BABAM2: variants seen among roughly 807,000 people sequenced by gnomAD.
BABAM2 encodes the protein BRISC and BRCA1 A complex member 2.
Under a neutral mutation model 54.7 loss-of-function variants are expected in BABAM2, and 31 were observed. The observed-to-expected ratio is 0.57, with a 90% CI of 0.43 to 0.77. The LOEUF is 0.77. BABAM2 is among the 30% of genes least tolerant of loss of function. The pLI, the probability that BABAM2 is intolerant of heterozygous loss-of-function variation, is 0.00. For synonymous variants in BABAM2, 167 were observed against 162.9 expected, an observed-to-expected ratio of 1.03 and a Z score of -0.19; for missense variants, 364 against 455.8, an observed-to-expected ratio of 0.80 and a Z score of 1.83.
At chr2:28,110,061 C>T (rs902867943) in intron 6 of BABAM2, among the ~76,000 whole-genome samples, 29 of 152,186 alleles carry the variant, frequency 1.9e-4, no homozygotes, top group Non-Finnish European at 1.9e-4. Flanking sequence ...CACCATTCCA[C>T]TTTCTGTCAC....
At chr2:27,948,990 G>A (rs1455863356) in intron 3 of BABAM2, among the ~76,000 whole-genome samples, 1 of 152,178 alleles carries the variant, frequency 6.6e-6, no homozygotes, top group Non-Finnish European at 1.5e-5. Flanking sequence ...GTCAGCCACA[G>A]TGTTGTCCTG....
intron 7 of BABAM2, among the ~76,000 whole-genome samples, chr2:28,207,708 A>G (rs1189114886): frequency 6.6e-6 from 1 of 152,238 alleles, no homozygotes; most frequent in East Asian, 1.9e-4. Context: ...AGAGAATATG[A>G]TTAAAATAAA....
intron 7 of BABAM2, among the ~76,000 whole-genome samples, chr2:28,167,116 TG>T (rs1673761067): frequency 6.6e-6 from 1 of 152,230 alleles, no homozygotes; most frequent in Admixed American, 6.5e-5. Flanking sequence ...GACAGTTTTC[TG>T]CAGCTAATAG....
chr2:27,949,147 G>C (rs2148402497), intron 3 of BABAM2, among the ~76,000 whole-genome samples: 1 of 152,308 alleles, frequency 6.6e-6, no homozygotes, highest in South Asian at 2.1e-4. Context: ...GAATAAGAAG[G>C]AAGGCGAGTA....
chr2:28,040,705 A>G (rs1017233873), intron 5 of BABAM2, among the ~76,000 whole-genome samples: 7 of 152,202 alleles, frequency 4.6e-5, no homozygotes, highest in Non-Finnish European at 1.0e-4. Context: ...AATGTATGAT[A>G]GGCTTGAAAG....
intron 10 of BABAM2, among the ~76,000 whole-genome samples, chr2:28,287,848 C>T (rs1234976389): frequency 3.3e-5 from 5 of 152,304 alleles, no homozygotes; most frequent in Admixed American, 2.0e-4. Context: ...AGAGTTCACA[C>T]CCGGCCCCTC....
chr2:28,048,882 T>TA (rs1381055138), intron 6 of BABAM2, among the ~76,000 whole-genome samples: 1 of 152,220 alleles, frequency 6.6e-6, no homozygotes. Flanking sequence ...TTAATTTTCT[T>TA]AGAGTGTGGT....
chr2:28,050,835 A>G (rs922316529), intron 6 of BABAM2, among the ~76,000 whole-genome samples: 10 of 152,188 alleles, frequency 6.6e-5, no homozygotes, highest in African/African-American at 2.4e-4. Flanking sequence ...GGGAGGAGGA[A>G]CAGATCAGGG....
In BABAM2 at chr2:28,265,636, A is replaced by G. The variant is rs1250387302; in HGVS notation, c.934+20774A>G. ...GTCCTATTCATACACATGCATGCAC[A>G]TATGTGCACACACACACACGACACA... is the stretch of plus-strand genomic sequence containing the variant. On this transcript the variant is annotated intron_variant, in intron 10 of 11. Transcript: ENST00000379624. Among the ~76,000 whole-genome samples, 3 of 152,256 alleles carry G rather than the reference A, an allele frequency of 2.0e-5. No individual in the cohort carries two copies. The South Asian group carries it at 6.2e-4, about 32-fold the overall frequency.
intron 4 of BABAM2, among the ~76,000 whole-genome samples, chr2:27,991,591 T>C (rs1672776542): frequency 6.6e-6 from 1 of 152,240 alleles, no homozygotes; most frequent in Non-Finnish European, 1.5e-5. Context: ...TAGCAACTTA[T>C]CTGCATTTTG....
At chr2:28,199,727 G>C (rs903029059) in intron 7 of BABAM2, among the ~76,000 whole-genome samples, 3 of 152,238 alleles carry the variant, frequency 2.0e-5, no homozygotes, top group African/African-American at 7.2e-5. Flanking sequence ...CAATAGATTG[G>C]GTTCTAGGAA....
intron 7 of BABAM2, among the ~76,000 whole-genome samples, chr2:28,227,557 C>T (rs1028194207): frequency 2.6e-5 from 4 of 152,126 alleles, no homozygotes; most frequent in African/African-American, 9.7e-5. Context: ...CAGAAACCAC[C>T]TTTTTTCTGG....
rs61299108 is a variant in BABAM2, at chr2:28,231,461, C to G, written c.681-5741C>G. Among the ~76,000 whole-genome samples, 868 of 152,194 alleles carry G rather than the reference C, an allele frequency of 5.7e-3. 7 individuals carry two copies. Among genetic ancestry groups the G allele is most frequent in the African/African-American group, 0.02 (818 of 41,518 alleles). ...ATTGGATTGAAGGCAGCACACATTG[C>G]TTTAGGATTTCTCTTAGCTTGGAGT... On this transcript the variant is annotated intron_variant, in intron 7 of 11. Coordinates refer to ENST00000379624, the MANE Select transcript of BABAM2 (RefSeq NM_199191.3).
intron 6 of BABAM2, among the ~76,000 whole-genome samples, chr2:28,102,881 T>C (rs371365862): frequency 7.2e-5 from 11 of 152,268 alleles, no homozygotes; most frequent in African/African-American, 2.4e-4. Context: ...CATAACTGCA[T>C]TGAGTTTTCT....
chr2:27,952,622 C>T (rs545203464), intron 3 of BABAM2, among the ~76,000 whole-genome samples: 1 of 152,272 alleles, frequency 6.6e-6, no homozygotes, highest in South Asian at 2.1e-4. Context: ...GAACTGTTCT[C>T]ATCTCTGGGA....
chr2:28,080,804 G>T lies in BABAM2; in HGVS notation c.570+35005G>T, dbSNP rs982845154. On this transcript the variant is annotated intron_variant, in intron 6 of 11. Coordinates refer to ENST00000379624, the MANE Select transcript of BABAM2 (RefSeq NM_199191.3). ...TCCCTATTTGATTAATCCGTGACCT[G>T]ATTTAGTAAACATTTGTCAGGATAT... Among the ~76,000 whole-genome samples the T allele has an allele frequency of 3.3e-5, 5 of 152,150 alleles. No individual in the cohort carries two copies. In the East Asian group the frequency reaches 9.6e-4, roughly 29 times the overall value.
intron 7 of BABAM2, among the ~76,000 whole-genome samples, chr2:28,212,735 G>A (rs1445620549): frequency 6.6e-6 from 1 of 152,078 alleles, no homozygotes; most frequent in Non-Finnish European, 1.5e-5. Context: ...ATGTAAAATA[G>A]TAGAGATTTT....
chr2:28,055,261 C>T (rs1408664720), intron 6 of BABAM2, among the ~76,000 whole-genome samples: 1 of 152,118 alleles, frequency 6.6e-6, no homozygotes, highest in African/African-American at 2.4e-5. Context: ...AAGGCCTACC[C>T]TAGGGTGGAG....
intron 6 of BABAM2, among the ~76,000 whole-genome samples, chr2:28,096,823 T>C (rs1216357331): frequency 6.6e-6 from 1 of 152,080 alleles, no homozygotes; most frequent in East Asian, 1.9e-4. Context: ...ATTTCTTTCT[T>C]CCTTTGGATT....
Sources: allele counts gnomAD v4.1 joint callset (sites outside exome capture counted in the v4.1 genomes callset), GRCh38; gene constraint gnomAD v4.1.1; transcripts MANE v1.5; gene names NCBI Gene and HGNC (gene_info 2026-07-23, HGNC 2026-07-21).